SPTBN2: variants seen among roughly 807,000 people sequenced by gnomAD.
SPTBN2 encodes spectrin beta chain, non-erythrocytic 2.
SPTBN2 carries 107 observed loss-of-function variants against 284.2 expected under a neutral mutation model. The ratio of observed to expected loss-of-function variants is 0.38; its 90% CI spans 0.32 to 0.44. SPTBN2 has a LOEUF of 0.44. Ranked by LOEUF, SPTBN2 falls within the 20% of genes least tolerant of loss-of-function variation. The pLI, the probability that SPTBN2 is intolerant of heterozygous loss-of-function variation, is 1.00. For synonymous variants in SPTBN2, 1,289 were observed against 1,354.8 expected, an observed-to-expected ratio of 0.95 and a Z score of 1.07; for missense variants, 2,569 against 3,287.1, an observed-to-expected ratio of 0.78 and a Z score of 5.34.
chr11:66,726,284 G>A (rs1942619827), intron 1 of SPTBN2, among the ~76,000 whole-genome samples: 1 of 152,196 alleles, frequency 6.6e-6, no homozygotes, highest in Non-Finnish European at 1.5e-5. Flanking sequence ...CAACAGCTCA[G>A]GTCTGGGGAT....
chr11:66,686,574 C>G, intron 36 of SPTBN2, 134 bp from the exon 37 acceptor site: 1 of 954,490 alleles, frequency 1.0e-6, no homozygotes, highest in East Asian at 2.4e-5. Flanking sequence ...ACCAGACACG[C>G]TCTGCACATT....
intron 5 of SPTBN2, 94 bp from the exon 6 acceptor site, chr11:66,714,501 G>T: frequency 8.8e-7 from 1 of 1,131,848 alleles, no homozygotes; most frequent in Non-Finnish European, 1.3e-6. Flanking sequence ...CTGCTCTTTA[G>T]ACTGTGGTAA....
In SPTBN2 at chr11:66,691,651, C is replaced by A; in HGVS notation, c.5198G>T (p.Arg1733Leu). ...GQDYEHVTML[R>L]DKFREFSRDT... ...CCGGGAGAACTCTCGGAATTTGTCT[C>A]GGAGCATCTGGTAGAGGAAGCAGAT... is the stretch of plus-strand genomic sequence containing the variant. Residue 1733 changes from arginine to leucine, a missense_variant, in exon 27 of 38, where the codon CGA becomes CTA. Transcript: ENST00000533211. This position sits in a 1 kb window ranked among gnomAD's most constrained non-coding sequence, Gnocchi z 8.0. The A allele has an allele frequency of 2.5e-6, 4 of 1,613,696 alleles. No individual in the cohort carries two copies. The South Asian group carries it at 4.4e-5, about 18-fold the overall frequency.
chr11:66,722,708 AC>A (rs1490220419), intron 1 of SPTBN2, among the ~76,000 whole-genome samples: 1 of 151,956 alleles, frequency 6.6e-6, no homozygotes, highest in African/African-American at 2.4e-5. Flanking sequence ...AGCCTGGCCA[AC>A]ATGGTAAAAC....
intron 8 of SPTBN2, chr11:66,712,823 T>G (rs763161217): frequency 6.5e-6 from 1 of 152,712 alleles, no homozygotes; most frequent in African/African-American, 2.4e-5. Flanking sequence ...CATTCTGACC[T>G]GGACTGGTTC....
Position 66,710,297 on chromosome 11 carries a change from C to G in SPTBN2, c.1073+285G>C, listed in dbSNP as rs1001992139. 6.6e-6 allele frequency among the ~76,000 whole-genome samples: 1 copy of G among 152,066 alleles called. No homozygotes were observed. Among genetic ancestry groups the G allele is most frequent in the African/African-American group, 2.4e-5 (1 of 41,430 alleles). On this transcript the variant is annotated intron_variant, in intron 10 of 37. Transcript: ENST00000533211. This position sits in a 1 kb window ranked among gnomAD's most constrained non-coding sequence, Gnocchi z 4.9. Reference sequence around the variant, plus strand: ...CGACCTCAGTAGAGATGGGGTTTCACCATGTTGGCCAGACTGGTCTCGGTG... The same window carrying G: ...CGACCTCAGTAGAGATGGGGTTTCAGCATGTTGGCCAGACTGGTCTCGGTG...
rs751575277 is a variant in SPTBN2, at chr11:66,688,749, G to T, written c.6135C>A (p.Val2045=). 6.2e-7 allele frequency: 1 copy of T among 1,613,472 alleles called. No homozygotes were observed. The highest frequency in any genetic ancestry group is 2.2e-5 in the East Asian group (1 of 44,872). The part of the protein sequence containing the change: ...LVRSAELGCT[V]DEVESLIKRH... ...GCTTGATGAGGCTCTCAACTTCGTC[G>T]ACCGTGCAACCCAGCTCAGCGCTGC... is the stretch of plus-strand genomic sequence containing the variant. Residue 2045 remains valine (V), a synonymous_variant, in exon 31 of 38, where the codon GTC becomes GTA. Transcript: ENST00000533211.
chr11:66,707,487 T>C lies in SPTBN2; in HGVS notation c.1653+29A>G. 1.3e-6 allele frequency: 2 copies of C among 1,573,934 alleles called. No individual in the cohort carries two copies. Among genetic ancestry groups the C allele is most frequent in the Non-Finnish European group, 1.7e-6 (2 of 1,160,264 alleles). On this transcript the variant is annotated intron_variant, in intron 13 of 37. Coordinates refer to ENST00000533211, the MANE Select transcript of SPTBN2 (RefSeq NM_006946.4). This position sits in a 1 kb window ranked among gnomAD's most constrained non-coding sequence, Gnocchi z 4.9. Reference sequence around the variant, plus strand: ...GGGCCCCCTCGACTCTTGATCACTCTTACCCCACCCAGCACGCCTCACTGG... The same window carrying C: ...GGGCCCCCTCGACTCTTGATCACTCCTACCCCACCCAGCACGCCTCACTGG...
chr11:66,732,548 G>A (rs1207472208), upstream of SPTBN2, among the ~76,000 whole-genome samples: 7 of 151,522 alleles, frequency 4.6e-5, no homozygotes, highest in African/African-American at 1.7e-4. Context: ...TACTCGGGAG[G>A]CTGAGGCAGG....
rs1054351898 is a variant in SPTBN2 at position 66,683,041 on chromosome 11, A to G, written c.*2830T>C. Reference sequence around the variant, plus strand: ...AGTGCTGGGATTATAAGCGTGAACCACCATGCCTGGCCAAGTAATCCATTT... The same window carrying G: ...AGTGCTGGGATTATAAGCGTGAACCGCCATGCCTGGCCAAGTAATCCATTT... On this transcript the variant is annotated 3_prime_UTR_variant, in exon 38 of 38. Transcript: ENST00000533211. 6.9e-6 allele frequency among the ~76,000 whole-genome samples: 1 copy of G among 145,182 alleles called. No homozygotes were observed. The highest frequency in any genetic ancestry group is 2.0e-4 in the East Asian group (1 of 4,980).
At chr11:66,688,391 A>G in intron 31 of SPTBN2, 80 bp from the exon 32 acceptor site, 1 of 1,543,516 alleles carries the variant, frequency 6.5e-7, no homozygotes, top group Non-Finnish European at 8.7e-7. Flanking sequence ...GAAATGTCTC[A>G]ACTCTAATTT....
chr11:66,699,320 TTCC>T (rs2135401634), intron 18 of SPTBN2, 83 bp downstream of exon 18: 1 of 1,541,718 alleles, frequency 6.5e-7, no homozygotes, highest in Non-Finnish European at 8.9e-7. Flanking sequence ...ATCTGTGGGT[TTCC>T]TGTGCCACGT....
Position 66,721,221 on chromosome 11 carries a change from G to A in SPTBN2, c.20C>T (p.Pro7Leu), listed in dbSNP as rs1239445065. 1 of 1,614,174 alleles carries A rather than the reference G, an allele frequency of 6.2e-7. No individual in the cohort carries two copies. Among genetic ancestry groups the A allele is most frequent in the Non-Finnish European group, 8.5e-7 (1 of 1,180,028 alleles). Residue 7 changes from proline (P) to leucine (L), a missense_variant, in exon 3 of 38, where the codon CCC becomes CTC. Physicochemically the swap from Pro to Leu is moderately conservative, Grantham distance 98 (BLOSUM62 -3). Transcript: ENST00000533211. MSSTLS[P>L]TDFDSLEIQG... ...GATTTCCAAGCTGTCAAAGTCTGTG[G>A]GTGACAGCGTGCTGCTCATGGTGGT...
intron 1 of SPTBN2, among the ~76,000 whole-genome samples, chr11:66,724,871 G>T (rs1460271280): frequency 6.6e-6 from 1 of 152,146 alleles, no homozygotes; most frequent in Non-Finnish European, 1.5e-5. Flanking sequence ...TCCAGAACCA[G>T]AGACTGCCAA....
rs547530146 is a variant in SPTBN2 at position 66,707,393 on chromosome 11, G to C, written c.1653+123C>G. ...GTTTACTTTGTTCCCTGCAACTGGG[G>C]ACAGGGCCCTGTGCTGGTTCACACT... On this transcript the variant is annotated intron_variant, in intron 13 of 37. Transcript: ENST00000533211. This position sits in a 1 kb window ranked among gnomAD's most constrained non-coding sequence, Gnocchi z 4.9. The C allele has an allele frequency of 1.8e-5, 19 of 1,045,268 alleles. No individual in the cohort carries two copies. In the African/African-American group the frequency reaches 3.0e-4, roughly 17 times the overall value. The allele number at this position is 1,045,268 out of a possible 1,614,324, so 64.7% of individuals were successfully genotyped here.
At chr11:66,721,845 A>G (rs1942419717) in intron 1 of SPTBN2, among the ~76,000 whole-genome samples, 1 of 152,068 alleles carries the variant, frequency 6.6e-6, no homozygotes, top group Admixed American at 6.5e-5. Context: ...CAGAAGTTCA[A>G]GACCAGCCTG....
chr11:66,731,588 A>G (rs550296679), upstream of SPTBN2, among the ~76,000 whole-genome samples: 2 of 152,312 alleles, frequency 1.3e-5, no homozygotes, highest in East Asian at 3.9e-4. Context: ...CCCCTTCTGC[A>G]GCCTCACGGC....
At chr11:66,711,340 A>T (rs1475469578) in intron 8 of SPTBN2, among the ~76,000 whole-genome samples, 1 of 152,236 alleles carries the variant, frequency 6.6e-6, no homozygotes, top group Non-Finnish European at 1.5e-5. Context: ...GAAAAGAAAC[A>T]GCATTGCTAT....
intron 13 of SPTBN2, 80 bp from the exon 14 acceptor site, chr11:66,705,917 C>G (rs945303817): frequency 6.5e-6 from 10 of 1,548,350 alleles, no homozygotes; most frequent in Admixed American, 3.8e-5. Context: ...CCAACTTCTC[C>G]ACGGCCCCAG....
Sources: allele counts gnomAD v4.1 joint callset (sites outside exome capture counted in the v4.1 genomes callset), GRCh38; gene constraint gnomAD v4.1.1; non-coding constraint Gnocchi (gnomAD v3.1); transcripts MANE v1.5; gene names NCBI Gene and HGNC (gene_info 2026-07-23, HGNC 2026-07-21).